GNG12: variants seen among roughly 807,000 people sequenced by gnomAD.
GNG12 encodes G protein subunit gamma 12.
For synonymous variants in GNG12, 28 were observed against 29.7 expected, an observed-to-expected ratio of 0.94 and a Z score of 0.19; for missense variants, 69 against 83.8, an observed-to-expected ratio of 0.82 and a Z score of 0.69.
chr1:67,832,659 T>C (rs2100837477), intron 1 of GNG12, among the ~76,000 whole-genome samples: 1 of 150,280 alleles, frequency 6.7e-6, no homozygotes, highest in South Asian at 2.1e-4. Flanking sequence ...CCCTTACCAC[T>C]TGCAAATACA....
rs1646224204 is a variant in GNG12, at chr1:67,702,955, A to G, written c.*2496T>C. ...AACACTGGGTATTTGTCTATCATTA[A>G]CATAAACCAACTGTTGCAGACAGTT... is the stretch of plus-strand genomic sequence containing the variant. On this transcript the variant is annotated 3_prime_UTR_variant, in exon 4 of 4. Transcript: ENST00000370982. 1 of 152,246 alleles carries G rather than the reference A, an allele frequency of 6.6e-6. No individual in the cohort carries two copies. The highest frequency in any genetic ancestry group is 6.5e-5 in the Admixed American group (1 of 15,288). 9.4% of individuals were successfully genotyped at this position (152,246 alleles called of 1,614,324 possible). A position where few individuals can be genotyped will look rare whatever the true frequency, so the allele number is the denominator to read the frequency against.
rs997292114 is a variant in GNG12, at chr1:67,704,262, G to A, written c.*1189C>T. 1 of 152,206 alleles carries A rather than the reference G, an allele frequency of 6.6e-6. No individual in the cohort carries two copies. The highest frequency in any genetic ancestry group is 2.4e-5 in the African/African-American group (1 of 41,434). The allele number at this position is 152,206 out of a possible 1,614,324, so 9.4% of individuals were successfully genotyped here. On this transcript the variant is annotated 3_prime_UTR_variant, in exon 4 of 4. Transcript: ENST00000370982. ...TGCCTCTTGGATGGTATGTGAACAA[G>A]GTAGGGATGAAACTGCAGATGTCTG...
intron 1 of GNG12, among the ~76,000 whole-genome samples, chr1:67,830,420 C>T (rs925936082): frequency 6.6e-6 from 1 of 152,170 alleles, no homozygotes; most frequent in African/African-American, 2.4e-5. Flanking sequence ...AATAAAACAA[C>T]GACTCACAAT....
At chr1:67,766,879 C>G (rs892453285) in intron 2 of GNG12, among the ~76,000 whole-genome samples, 1 of 152,128 alleles carries the variant, frequency 6.6e-6, no homozygotes, top group Non-Finnish European at 1.5e-5. Flanking sequence ...GTTAGGTGTC[C>G]TCTTAGGGAA....
chr1:67,797,929 G>A (rs915930012), intron 1 of GNG12, among the ~76,000 whole-genome samples: 8 of 152,120 alleles, frequency 5.3e-5, no homozygotes, highest in Non-Finnish European at 8.8e-5. Context: ...GGATGACCAC[G>A]GTGGTCTTGA....
At chr1:67,745,342 G>A (rs1646502201) in intron 2 of GNG12, among the ~76,000 whole-genome samples, 1 of 152,138 alleles carries the variant, frequency 6.6e-6, no homozygotes, top group Non-Finnish European at 1.5e-5. Context: ...AAGAGTCCTG[G>A]GCTTTAGTCT....
chr1:67,744,651 A>C (rs886122101), intron 2 of GNG12, among the ~76,000 whole-genome samples: 7 of 152,182 alleles, frequency 4.6e-5, no homozygotes, highest in African/African-American at 1.7e-4. Context: ...AGGAGGACTC[A>C]GGTTTTTTTG....
chr1:67,778,370 T>G (rs1436001010), intron 1 of GNG12, among the ~76,000 whole-genome samples: 1 of 152,154 alleles, frequency 6.6e-6, no homozygotes, highest in Non-Finnish European at 1.5e-5. Flanking sequence ...GCTACCATAC[T>G]AGACAGCACA....
rs192352288 is a variant in GNG12, at chr1:67,709,907, T to C, written c.-26-2195A>G. On this transcript the variant is annotated intron_variant, in intron 2 of 3. Coordinates refer to ENST00000370982, the MANE Select transcript of GNG12 (RefSeq NM_018841.6). ...ATATATAGTTATATATATATTTTTA[T>C]ATAGTTATATATATAGTTATATATA... Among the ~76,000 whole-genome samples the C allele has an allele frequency of 4.5e-3, 246 of 54,910 alleles. 11 individuals carry two copies. The East Asian group carries it at 0.12, about 26-fold the overall frequency. The allele number at this position is 54,910 out of a possible 152,430, so 36.0% of individuals were successfully genotyped here. A position where few individuals can be genotyped will look rare whatever the true frequency, so the allele number is the denominator to read the frequency against.
chr1:67,785,201 C>T (rs1328687218), intron 1 of GNG12, among the ~76,000 whole-genome samples: 1 of 152,178 alleles, frequency 6.6e-6, no homozygotes. Flanking sequence ...ATGTTTACTT[C>T]ACTGGAGGAT....
chr1:67,739,458 T>C (rs529685575), intron 2 of GNG12, among the ~76,000 whole-genome samples: 11 of 152,306 alleles, frequency 7.2e-5, no homozygotes, highest in East Asian at 1.9e-4. Flanking sequence ...AGGTCCCATA[T>C]AGAGACAGAA....
intron 2 of GNG12, among the ~76,000 whole-genome samples, chr1:67,737,152 T>C (rs1291512475): frequency 3.9e-5 from 6 of 152,236 alleles, no homozygotes; most frequent in Admixed American, 3.9e-4. Flanking sequence ...ACTCATTAGG[T>C]AAATTATCTA....
chr1:67,832,282 CAG>C (rs1408366285), intron 1 of GNG12: 1 of 152,160 alleles, frequency 6.6e-6, no homozygotes, highest in Non-Finnish European at 1.5e-5. Flanking sequence ...CTCTGGTGTT[CAG>C]AGATTTCCTT....
intron 1 of GNG12, among the ~76,000 whole-genome samples, chr1:67,829,388 AATG>A (rs1388231355): frequency 1.3e-5 from 2 of 152,214 alleles, no homozygotes; most frequent in South Asian, 2.1e-4. Flanking sequence ...TAAAAGACAA[AATG>A]ATGATTGTCT....
chr1:67,746,003 G>A (rs979256814), intron 2 of GNG12, among the ~76,000 whole-genome samples: 1 of 152,158 alleles, frequency 6.6e-6, no homozygotes, highest in African/African-American at 2.4e-5. Context: ...TACATGAGAA[G>A]CAAACAAACT....
chr1:67,712,666 C>G (rs917887423), intron 2 of GNG12, among the ~76,000 whole-genome samples: 2 of 151,998 alleles, frequency 1.3e-5, no homozygotes, highest in Non-Finnish European at 2.9e-5. Context: ...GCACCCCAGC[C>G]TGGGTAACAG....
chr1:67,706,491 G>T (rs1201574452), intron 3 of GNG12, among the ~76,000 whole-genome samples: 1 of 152,086 alleles, frequency 6.6e-6, no homozygotes, highest in Non-Finnish European at 1.5e-5. Flanking sequence ...GTCTGGGAGG[G>T]AGATCCTACA....
intron 2 of GNG12, among the ~76,000 whole-genome samples, chr1:67,765,979 G>C (rs549466766): frequency 1.7e-4 from 26 of 152,236 alleles, no homozygotes; most frequent in African/African-American, 5.8e-4. Context: ...CACTATAAAT[G>C]TAACAGCTGT....
chr1:67,796,809 G>C (rs1042704988), intron 1 of GNG12, among the ~76,000 whole-genome samples: 1 of 152,106 alleles, frequency 6.6e-6, no homozygotes, highest in African/African-American at 2.4e-5. Flanking sequence ...AAAAAAAGAG[G>C]TTTATTGGGC....
Sources: gnomAD v4.1 joint callset for allele counts (sites outside exome capture counted in the v4.1 genomes callset) on GRCh38, gnomAD v4.1.1 for gene constraint, MANE v1.5 for transcripts, NCBI Gene and HGNC (gene_info 2026-07-23, HGNC 2026-07-21) for gene names.